Variants in B3GALT1 observed in about 807,000 individuals in gnomAD.
B3GALT1 encodes the protein beta-1,3-galactosyltransferase 1.
B3GALT1 carries 10 observed loss-of-function variants against 23.2 expected under a neutral mutation model. The ratio of observed to expected loss-of-function variants is 0.43; its 90% CI spans 0.27 to 0.73. The LOEUF (loss-of-function observed/expected upper bound fraction) is 0.73. Ranked by LOEUF, B3GALT1 falls within the 30% of genes least tolerant of loss-of-function variation. The pLI is 0.21. For missense variants in B3GALT1, 299 were observed against 405.4 expected (o/e 0.74, Z 2.25); for synonymous variants, 156 against 141.5 (o/e 1.10, Z -0.73).
rs199504390 is a variant in B3GALT1, at chr2:167,694,951, CT to C, written c.-352+47989del. 8.2e-3 allele frequency among the ~76,000 whole-genome samples: 1,245 copies of C among 152,244 alleles called. 8 individuals carry two copies. The highest frequency in any genetic ancestry group is 0.012 in the Non-Finnish European group (798 of 67,996). The stretch of plus-strand genomic sequence containing the variant: ...GCTTAGATAACTTCATCTGAAAACT[CT>C]TTTAAGTATTACCCAACACCTCCTG... On this transcript the variant is annotated intron_variant, in intron 3 of 4. Transcript: ENST00000392690.
intron 3 of B3GALT1, among the ~76,000 whole-genome samples, chr2:167,803,496 C>G (rs55901650): frequency 0.025 from 3,782 of 152,230 alleles, 73 homozygotes; most frequent in South Asian, 0.069. Context: ...AGGCGTAGCT[C>G]TATTGTTTTT....
intron 4 of B3GALT1, among the ~76,000 whole-genome samples, chr2:167,868,470 C>T (rs1426412576): frequency 6.8e-6 from 1 of 146,924 alleles, no homozygotes; most frequent in Non-Finnish European, 1.5e-5. Flanking sequence ...GACTTTAGTG[C>T]CAGAAAGTAT....
chr2:167,813,065 T>TGATA (rs1290346604), intron 3 of B3GALT1, among the ~76,000 whole-genome samples: 1 of 147,940 alleles, frequency 6.8e-6, no homozygotes, highest in African/African-American at 2.5e-5. Context: ...ATTATCTGGA[T>TGATA]GATATCTGTC....
chr2:167,549,146 T>A (rs1421548588), intron 2 of B3GALT1, among the ~76,000 whole-genome samples: 1 of 152,190 alleles, frequency 6.6e-6, no homozygotes, highest in African/African-American at 2.4e-5. Context: ...TTTAGAGAAT[T>A]GTATTAAATG....
rs146030365 is a variant in B3GALT1 at position 167,601,216 on chromosome 2, C to T, written c.-409-45693C>T. 2.2e-3 allele frequency among the ~76,000 whole-genome samples: 330 copies of T among 152,162 alleles called. 4 individuals carry two copies. The East Asian group carries it at 0.043, about 20-fold the overall frequency. On this transcript the variant is annotated intron_variant, in intron 2 of 4. Coordinates refer to ENST00000392690, the MANE Select transcript of B3GALT1 (RefSeq NM_020981.4). The stretch of plus-strand genomic sequence containing the variant: ...CTGGAATTACAGGCACGTGCCACCA[C>T]GCCCAGCTAATTTTTGTATTTTTAA...
chr2:167,506,562 C>T (rs1699921354), intron 2 of B3GALT1, among the ~76,000 whole-genome samples: 1 of 152,126 alleles, frequency 6.6e-6, no homozygotes, highest in South Asian at 2.1e-4. Context: ...AAACCACATA[C>T]TATGATTTAT....
intron 2 of B3GALT1, among the ~76,000 whole-genome samples, chr2:167,515,080 A>T (rs1428570663): frequency 6.6e-6 from 1 of 152,174 alleles, no homozygotes; most frequent in Non-Finnish European, 1.5e-5. Context: ...GTCTATTTTT[A>T]ATTATTGTCA....
chr2:167,446,133 G>C lies in B3GALT1; in HGVS notation c.-510-44044G>C, dbSNP rs145068861. Reference sequence around the variant, plus strand: ...CTCCTTCACTTATGAAACTTAGTTTGGCTGGATATGAAATTCTGGGTTGAA... The same window carrying C: ...CTCCTTCACTTATGAAACTTAGTTTCGCTGGATATGAAATTCTGGGTTGAA... On this transcript the variant is annotated intron_variant, in intron 1 of 4. Transcript: ENST00000392690. 5.1e-3 allele frequency among the ~76,000 whole-genome samples: 780 copies of C among 152,228 alleles called. 30 individuals carry two copies. The East Asian group carries it at 0.1, about 20-fold the overall frequency.
intron 1 of B3GALT1, among the ~76,000 whole-genome samples, chr2:167,482,764 C>T (rs1047239088): frequency 2.4e-4 from 36 of 151,254 alleles, no homozygotes; most frequent in Admixed American, 2.2e-3. Flanking sequence ...CACTTGAACC[C>T]AGGAGGCAGA....
chr2:167,515,130 T>C (rs1285825439), intron 2 of B3GALT1, among the ~76,000 whole-genome samples: 2 of 152,140 alleles, frequency 1.3e-5, no homozygotes, highest in Non-Finnish European at 2.9e-5. Flanking sequence ...TTCAATGATA[T>C]AGCATTTAGT....
At chr2:167,315,411 G>GT (rs900025952) in intron 1 of B3GALT1, among the ~76,000 whole-genome samples, 1 of 152,044 alleles carries the variant, frequency 6.6e-6, no homozygotes, top group Non-Finnish European at 1.5e-5. Context: ...CCTATGGCCT[G>GT]TGACATATTA....
intron 3 of B3GALT1, among the ~76,000 whole-genome samples, chr2:167,701,578 T>C (rs1376434399): frequency 1.3e-5 from 2 of 152,130 alleles, no homozygotes; most frequent in Admixed American, 6.5e-5. Flanking sequence ...CTGATTTTTT[T>C]CCCCCAAGGA....
chr2:167,595,067 C>G (rs768104597), intron 2 of B3GALT1, among the ~76,000 whole-genome samples: 1 of 152,128 alleles, frequency 6.6e-6, no homozygotes, highest in Non-Finnish European at 1.5e-5. Flanking sequence ...TAACTGGGTA[C>G]ACTTCTAGGG....
chr2:167,633,167 A>C (rs1347107779), intron 2 of B3GALT1, among the ~76,000 whole-genome samples: 1 of 151,938 alleles, frequency 6.6e-6, no homozygotes, highest in Non-Finnish European at 1.5e-5. Flanking sequence ...CCAACATTCA[A>C]ATTCAGAAAA....
At chr2:167,658,506 A>G (rs1685996000) in intron 3 of B3GALT1, among the ~76,000 whole-genome samples, 1 of 152,084 alleles carries the variant, frequency 6.6e-6, no homozygotes, top group South Asian at 2.1e-4. Context: ...TGCTCCTGAG[A>G]ACAGATTATG....
chr2:167,431,650 C>A (rs919208039), intron 1 of B3GALT1, among the ~76,000 whole-genome samples: 2 of 152,158 alleles, frequency 1.3e-5, no homozygotes, highest in Non-Finnish European at 2.9e-5. Context: ...TGTCCACATT[C>A]TATTTACTGT....
chr2:167,665,467 G>A (rs1323173124), intron 3 of B3GALT1, among the ~76,000 whole-genome samples: 1 of 150,698 alleles, frequency 6.6e-6, no homozygotes, highest in Non-Finnish European at 1.5e-5. Context: ...TCAGGATGAT[G>A]CTGGCCTCAT....
intron 4 of B3GALT1, among the ~76,000 whole-genome samples, chr2:167,825,453 T>TGTGC (rs1553491819): frequency 3.4e-5 from 5 of 146,600 alleles, no homozygotes; most frequent in African/African-American, 1.0e-4. Context: ...TGTGTGTGTG[T>TGTGC]GTGCGTGCAC....
At chr2:167,444,608 T>C (rs1218107592) in intron 1 of B3GALT1, among the ~76,000 whole-genome samples, 1 of 152,212 alleles carries the variant, frequency 6.6e-6, no homozygotes, top group Non-Finnish European at 1.5e-5. Flanking sequence ...GGTGCATGTG[T>C]CCAGGAATTT....
Sources: allele counts gnomAD v4.1 joint callset (sites outside exome capture counted in the v4.1 genomes callset), GRCh38; gene constraint gnomAD v4.1.1; transcripts MANE v1.5; gene names NCBI Gene and HGNC (gene_info 2026-07-23, HGNC 2026-07-21).